The following MLLT3 variants were observed in gnomAD, a reference collection of about 807,000 sequenced individuals.
MLLT3 encodes the protein protein AF-9.
In MLLT3, 4 loss-of-function variants were observed where a neutral mutation model predicts 53.2. That is an observed-to-expected ratio of 0.08 (90% CI 0.04 to 0.17). The LOEUF (loss-of-function observed/expected upper bound fraction) is 0.17. Ranked by LOEUF, MLLT3 falls within the 10% of genes least tolerant of loss-of-function variation. The pLI is 1.00. For missense variants in MLLT3, 569 were observed against 684.0 expected (o/e 0.83, Z 1.87); for synonymous variants, 283 against 230.6 (o/e 1.23, Z -2.06).
chr9:20,411,496 G>A (rs1208546006), intron 5 of MLLT3, among the ~76,000 whole-genome samples: 2 of 152,114 alleles, frequency 1.3e-5, no homozygotes, highest in Non-Finnish European at 2.9e-5. Flanking sequence ...AGGAAAGTAC[G>A]GCTGTTGGGT....
intron 2 of MLLT3, among the ~76,000 whole-genome samples, chr9:20,494,524 A>G (rs753762245): frequency 3.3e-5 from 5 of 152,192 alleles, no homozygotes; most frequent in Non-Finnish European, 7.4e-5. Context: ...TCATACTGCA[A>G]TGATATTTCC....
intron 4 of MLLT3, among the ~76,000 whole-genome samples, chr9:20,420,371 A>G (rs751078148): frequency 6.6e-6 from 1 of 152,202 alleles, no homozygotes; most frequent in Non-Finnish European, 1.5e-5. Flanking sequence ...ACTTTAAATC[A>G]ATTGATTGAA....
At chr9:20,468,064 C>T (rs1026456911) in intron 2 of MLLT3, among the ~76,000 whole-genome samples, 2 of 152,194 alleles carry the variant, frequency 1.3e-5, no homozygotes, top group South Asian at 4.1e-4. Flanking sequence ...TCAGTTCCCT[C>T]ATTTACAAAG....
At chr9:20,430,068 A>G (rs1288593284) in intron 4 of MLLT3, among the ~76,000 whole-genome samples, 1 of 152,206 alleles carries the variant, frequency 6.6e-6, no homozygotes, top group African/African-American at 2.4e-5. Context: ...ATCCTAAGGT[A>G]GACTGCATAT....
intron 2 of MLLT3, among the ~76,000 whole-genome samples, chr9:20,568,451 A>G (rs982827297): frequency 1.3e-5 from 2 of 152,208 alleles, no homozygotes; most frequent in African/African-American, 4.8e-5. Flanking sequence ...GACAAGAATC[A>G]TATTACTTTA....
At chr9:20,368,472 G>C (rs1193275362) in intron 5 of MLLT3, among the ~76,000 whole-genome samples, 1 of 152,098 alleles carries the variant, frequency 6.6e-6, no homozygotes, top group Non-Finnish European at 1.5e-5. Context: ...CATTGTATTG[G>C]ACTTAAAGGA....
intron 2 of MLLT3, among the ~76,000 whole-genome samples, chr9:20,564,608 T>G (rs919690743): frequency 6.6e-6 from 1 of 152,196 alleles, no homozygotes; most frequent in Non-Finnish European, 1.5e-5. Context: ...AAACAACTCA[T>G]GCATTTTCCA....
chr9:20,597,421 G>A (rs994899767), intron 2 of MLLT3, among the ~76,000 whole-genome samples: 2 of 150,556 alleles, frequency 1.3e-5, no homozygotes, highest in African/African-American at 4.9e-5. Flanking sequence ...TGCAGAAATA[G>A]ATCATCCTTG....
At chr9:20,430,679 T>A (rs980135035) in intron 4 of MLLT3, among the ~76,000 whole-genome samples, 2 of 152,092 alleles carry the variant, frequency 1.3e-5, no homozygotes, top group African/African-American at 4.8e-5. Flanking sequence ...CAGGAGAATA[T>A]CTATATGACC....
intron 2 of MLLT3, among the ~76,000 whole-genome samples, chr9:20,615,360 GAA>G (rs10601830): frequency 0.1 from 4,907 of 48,364 alleles, 245 homozygotes; most frequent in East Asian, 0.31. Context: ...CAGACCATGT[GAA>G]AAAAAAAAAA....
At chr9:20,553,260 G>A (rs1818970819) in intron 2 of MLLT3, among the ~76,000 whole-genome samples, 1 of 152,138 alleles carries the variant, frequency 6.6e-6, no homozygotes. Context: ...TTTCACAAAG[G>A]AAGAAGAGAG....
At chr9:20,495,237 G>T (rs1311050867) in intron 2 of MLLT3, among the ~76,000 whole-genome samples, 1 of 152,112 alleles carries the variant, frequency 6.6e-6, no homozygotes, top group Non-Finnish European at 1.5e-5. Context: ...CTACTCCCTT[G>T]CTTCTCAGCG....
At chr9:20,389,169 A>C (rs1055251093) in intron 5 of MLLT3, among the ~76,000 whole-genome samples, 4 of 152,244 alleles carry the variant, frequency 2.6e-5, no homozygotes, top group African/African-American at 9.6e-5. Flanking sequence ...ACACAATGGA[A>C]TATTACTCAG....
At chr9:20,584,250 CTT>C (rs922807594) in intron 2 of MLLT3, among the ~76,000 whole-genome samples, 1 of 152,184 alleles carries the variant, frequency 6.6e-6, no homozygotes, top group African/African-American at 2.4e-5. Context: ...TCAGCCTAGA[CTT>C]TATTGTTCAT....
At chr9:20,583,293 G>A (rs1318496659) in intron 2 of MLLT3, among the ~76,000 whole-genome samples, 3 of 152,196 alleles carry the variant, frequency 2.0e-5, no homozygotes, top group African/African-American at 4.8e-5. Flanking sequence ...GCTTTGCAGG[G>A]TACAGCCTCC....
Position 20,601,277 on chromosome 9 carries a change from G to C in MLLT3, c.193+19377C>G, listed in dbSNP as rs530463775. ...TTTTGTATTCAAAAAGATGTCTCTG[G>C]CTTCCAGATCAAAAATAGTCATAGA... On this transcript the variant is annotated intron_variant, in intron 2 of 10. Transcript: ENST00000380338. Among the ~76,000 whole-genome samples the C allele has an allele frequency of 1.6e-3, 245 of 152,218 alleles. 1 individual carries two copies. The highest frequency in any genetic ancestry group is 0.014 in the South Asian group (67 of 4,826).
chr9:20,366,009 G>A (rs577657780), intron 5 of MLLT3, among the ~76,000 whole-genome samples: 14 of 152,224 alleles, frequency 9.2e-5, no homozygotes, highest in East Asian at 1.9e-4. Context: ...TCACTCCTAC[G>A]TTTACTGCTA....
intron 2 of MLLT3, among the ~76,000 whole-genome samples, chr9:20,547,398 C>T (rs1818815039): frequency 6.6e-6 from 1 of 151,920 alleles, no homozygotes; most frequent in East Asian, 2.0e-4. Flanking sequence ...AATCCCAGCA[C>T]TCTGGGAGGC....
At chr9:20,373,723 G>T (rs909854913) in intron 5 of MLLT3, among the ~76,000 whole-genome samples, 1 of 152,090 alleles carries the variant, frequency 6.6e-6, no homozygotes, top group East Asian at 1.9e-4. Context: ...TTACGAAAAT[G>T]TAACTTTTCA....
Sources: allele counts gnomAD v4.1 joint callset (sites outside exome capture counted in the v4.1 genomes callset), GRCh38; gene constraint gnomAD v4.1.1; transcripts MANE v1.5; gene names NCBI Gene and HGNC (gene_info 2026-07-23, HGNC 2026-07-21).